Variants in ASPM observed in about 807,000 individuals in gnomAD.
ASPM encodes abnormal spindle-like microcephaly-associated protein.
Under a neutral mutation model 366.4 loss-of-function variants are expected in ASPM, and 256 were observed. The observed-to-expected ratio is 0.70, with a 90% CI of 0.63 to 0.77. The LOEUF is 0.77. Among genes scored for constraint, ASPM ranks in the 30% least tolerant of loss-of-function variants. The pLI is 0.00. For synonymous variants in ASPM, 1,414 were observed against 1,342.9 expected (o/e 1.05, Z -1.16); for missense variants, 4,146 against 4,090.4 (o/e 1.01, Z -0.37).
chr1:197,104,212 T>C lies in ASPM; in HGVS notation c.5039A>G (p.Asn1680Ser). 1.9e-6 allele frequency: 3 copies of C among 1,612,478 alleles called. No homozygotes were observed. The highest frequency in any genetic ancestry group is 2.5e-6 in the Non-Finnish European group (3 of 1,179,180). The stretch of plus-strand genomic sequence containing the variant: ...AGTTGACTGCAATTTTATTGTAGCA[T>C]TTTTTAGGCTCAAAAATTCCTTTTT... ...VSKKEFLSLK[N>S]ATIKLQSTVK... The change falls in exon 18 of 28, where the codon AAT (asparagine) becomes AGT (serine). Residue 1680 changes from asparagine (N) to serine (S), a missense_variant. Coordinates refer to ENST00000367409, the MANE Select transcript of ASPM (RefSeq NM_018136.5).
chr1:197,099,186 C>T (rs1410680389), intron 18 of ASPM, among the ~76,000 whole-genome samples: 2 of 151,362 alleles, frequency 1.3e-5, no homozygotes, highest in Non-Finnish European at 1.5e-5. Flanking sequence ...TCTAGTCTTG[C>T]TCCTTTTCCA....
At position 197,122,312 on chromosome 1, in the gene ASPM, G is replaced by A; in HGVS notation, c.3599-11C>T. 1.2e-6 allele frequency: 2 copies of A among 1,613,648 alleles called. No homozygotes were observed. Among genetic ancestry groups the A allele is most frequent in the Non-Finnish European group, 1.7e-6 (2 of 1,179,728 alleles). The stretch of plus-strand genomic sequence containing the variant: ...GCTCTGAAGTATTTTCTATTATGCA[G>A]GAGGAAAGGAGAAATTAGCCGTAGC... On this transcript the variant is annotated splice_polypyrimidine_tract_variant and intron_variant, in intron 14 of 27. Coordinates refer to ENST00000367409, the MANE Select transcript of ASPM (RefSeq NM_018136.5).
At chr1:197,123,876 A>G (rs1657993682) in intron 13 of ASPM, among the ~76,000 whole-genome samples, 1 of 152,142 alleles carries the variant, frequency 6.6e-6, no homozygotes, top group African/African-American at 2.4e-5. Flanking sequence ...TTCTACTAAG[A>G]CTTCCATCTA....
At chr1:197,098,834 T>C (rs1657064535) in intron 18 of ASPM, among the ~76,000 whole-genome samples, 1 of 151,578 alleles carries the variant, frequency 6.6e-6, no homozygotes, top group Non-Finnish European at 1.5e-5. Context: ...GCCCATAATG[T>C]ACAAATCAAA....
chr1:197,124,014 G>A, intron 13 of ASPM, 96 bp downstream of exon 13: 1 of 1,083,740 alleles, frequency 9.2e-7, no homozygotes, highest in South Asian at 1.5e-5. Context: ...GATGAACTAA[G>A]AAATTCAAGA....
intron 4 of ASPM, chr1:197,139,059 T>C: frequency 2.7e-6 from 2 of 744,934 alleles, no homozygotes; most frequent in South Asian, 2.9e-5. Context: ...GCTGGTTGTC[T>C]GGGCCCAGAT....
At position 197,143,077 on chromosome 1, in the gene ASPM, G is replaced by C. The variant is rs756263882; in HGVS notation, c.1175C>G (p.Ser392Cys). The change falls in exon 3 of 28, where the codon TCC becomes TGC. Residue 392 changes from serine (S) to cysteine (C), a missense_variant. Ser to Cys is a moderately radical substitution (Grantham distance 112). Around this residue, in one of 3 missense-constraint regions of ASPM, gnomAD observed 512 missense variants for 471.7 expected, o/e 1.09. Transcript: ENST00000367409. ...LESESVNPIL[S>C]PNQFLKDNMA... Reference sequence around the variant, plus strand: ...GTTATCTTTTAAAAATTGATTAGGGGATAAAATAGGATTAACTGACTCTGA... The same window carrying C: ...GTTATCTTTTAAAAATTGATTAGGGCATAAAATAGGATTAACTGACTCTGA... 6.2e-7 allele frequency: 1 copy of C among 1,612,732 alleles called. No homozygotes were observed.
At chr1:197,095,113 C>T (rs534056511) in intron 19 of ASPM, among the ~76,000 whole-genome samples, 2 of 151,748 alleles carry the variant, frequency 1.3e-5, no homozygotes, top group Non-Finnish European at 3.0e-5. Flanking sequence ...AATTCTATTC[C>T]TCTAGTTATT....
rs1473751182 is a variant in ASPM, at chr1:197,122,720, G to C, written c.3391-125C>G. The C allele has an allele frequency of 5.4e-6, 5 of 932,118 alleles. No individual in the cohort carries two copies. The East Asian group carries it at 1.3e-4, about 25-fold the overall frequency. The allele number at this position is 932,118 out of a possible 1,614,324, so 57.7% of individuals were successfully genotyped here. A position where few individuals can be genotyped will look rare whatever the true frequency, so the allele number is the denominator to read the frequency against. ...GTGACAAATCTACAAGGCAAGTAATGGCAAGTTTGACTGGTAAACTCTAAA... is the reference window on the plus strand; with the variant it reads ...GTGACAAATCTACAAGGCAAGTAATCGCAAGTTTGACTGGTAAACTCTAAA... On this transcript the variant is annotated intron_variant, in intron 13 of 27. Transcript: ENST00000367409.
intron 23 of ASPM, 68 bp downstream of exon 23, chr1:197,090,782 G>T (rs1656754971): frequency 7.1e-7 from 1 of 1,403,018 alleles, no homozygotes; most frequent in Non-Finnish European, 1.0e-6. Context: ...TGTTTTTATA[G>T]TGTTAGATAT....
At chr1:197,142,247 G>A in intron 3 of ASPM, 84 bp downstream of exon 3, 1 of 1,410,734 alleles carries the variant, frequency 7.1e-7, no homozygotes, top group South Asian at 1.2e-5. Context: ...TATAATACAA[G>A]CTTATCAATA....
At chr1:197,090,136 G>T (rs1220654258) in intron 24 of ASPM, 52 bp from the exon 25 acceptor site, 1 of 1,612,128 alleles carries the variant, frequency 6.2e-7, no homozygotes, top group Non-Finnish European at 8.5e-7. Context: ...GCAACAAAAT[G>T]AAGTTTTAGC....
intron 13 of ASPM, 140 bp downstream of exon 13, chr1:197,123,970 C>T: frequency 2.9e-6 from 2 of 690,082 alleles, no homozygotes; most frequent in Admixed American, 2.7e-5. Context: ...TATGATAAAA[C>T]ATTCACTCAT....
chr1:197,100,071 T>C (rs2125093008), intron 18 of ASPM, among the ~76,000 whole-genome samples: 1 of 151,856 alleles, frequency 6.6e-6, no homozygotes, highest in East Asian at 1.9e-4. Flanking sequence ...TACTCTATTT[T>C]GCCTATATTA....
chr1:197,098,866 C>A (rs1166094834), intron 18 of ASPM, among the ~76,000 whole-genome samples: 1 of 151,578 alleles, frequency 6.6e-6, no homozygotes, highest in African/African-American at 2.4e-5. Flanking sequence ...ACACTACTCT[C>A]CTGAACTCCA....
At chr1:197,107,544 A>T (rs1476247766) in intron 17 of ASPM, among the ~76,000 whole-genome samples, 3 of 152,164 alleles carry the variant, frequency 2.0e-5, no homozygotes, top group Admixed American at 6.6e-5. Context: ...ATACAACATA[A>T]CAGAAAAATT....
rs760407524 is a variant in ASPM, at chr1:197,101,684, G to C, written c.7567C>G (p.Gln2523Glu). Residue 2523 changes from glutamine (Q) to glutamate (E), a missense_variant, in exon 18 of 28, where the codon CAA (glutamine) becomes GAA (glutamate). Coordinates refer to ENST00000367409, the MANE Select transcript of ASPM (RefSeq NM_018136.5). Reference protein sequence around the residue: ...HYRTYRAAKLQRENYIRQWHS... With the variant: ...HYRTYRAAKLERENYIRQWHS... Reference sequence around the variant, plus strand: ...CATTGTCTGATATAATTTTCTCTTTGTAATTTTGCAGCTCTATATGTTCGA... The same window carrying C: ...CATTGTCTGATATAATTTTCTCTTTCTAATTTTGCAGCTCTATATGTTCGA... 2 of 1,612,036 alleles carry C rather than the reference G, an allele frequency of 1.2e-6. No homozygotes were observed. Among genetic ancestry groups the C allele is most frequent in the East Asian group, 2.2e-5 (1 of 44,800 alleles).
At position 197,130,035 on chromosome 1, in the gene ASPM, A is replaced by G. The variant is rs763288947; in HGVS notation, c.2509T>C (p.Ser837Pro). The G allele has an allele frequency of 9.3e-6, 15 of 1,613,796 alleles. No individual in the cohort carries two copies. Among genetic ancestry groups the G allele is most frequent in the Admixed American group, 3.3e-5 (2 of 60,002 alleles). ...GTGACATCACTGTTATCTTCCAAAG[A>G]TATGAGTTCTCCATAAGTTGTCTGA... ...GLETTYGELI[S>P]LEDNSDVTGL... The change falls in exon 8 of 28, where the codon TCT (serine) becomes CCT (proline). Residue 837 changes from serine to proline, a missense_variant. This residue lies in a region of ASPM where 3,624 missense variants were observed against 3,591.7 expected (regional missense o/e 1.01). Coordinates refer to ENST00000367409, the MANE Select transcript of ASPM (RefSeq NM_018136.5).
At chr1:197,092,938 T>A in intron 21 of ASPM, 114 bp downstream of exon 21, 1 of 921,560 alleles carries the variant, frequency 1.1e-6, no homozygotes, top group East Asian at 2.6e-5. Context: ...TAATTCAAGT[T>A]AATGGTCATA....
Sources: gnomAD v4.1 joint callset for allele counts (sites outside exome capture counted in the v4.1 genomes callset) on GRCh38, gnomAD v4.1.1 for gene constraint, gnomAD v4.1.1 regional missense constraint, MANE v1.5 for transcripts, NCBI Gene and HGNC (gene_info 2026-07-23, HGNC 2026-07-21) for gene names.